Variants in MYOC observed in about 807,000 individuals in gnomAD.
MYOC encodes myocilin.
Under a neutral mutation model 28.2 loss-of-function variants are expected in MYOC, and 29 were observed. The ratio of observed to expected loss-of-function variants is 1.03; its 90% CI spans 0.77 to 1.40. The LOEUF is 1.40. Among genes scored for constraint, MYOC ranks in the 40% most tolerant of loss-of-function variants. The probability of loss-of-function intolerance (pLI) is 0.00; values close to 1 mark genes in which losing one functional copy is unlikely to be tolerated. For missense variants in MYOC, 569 were observed against 620.6 expected, an observed-to-expected ratio of 0.92 and a Z score of 0.88; for synonymous variants, 240 against 245.6, an observed-to-expected ratio of 0.98 and a Z score of 0.21.
At chr1:171,648,234 C>G (rs561014640) in intron 1 of MYOC, among the ~76,000 whole-genome samples, 1 of 151,846 alleles carries the variant, frequency 6.6e-6, no homozygotes, top group African/African-American at 2.4e-5. Context: ...CTCGTCCCCA[C>G]ATCTGAGTAT....
intron 1 of MYOC, among the ~76,000 whole-genome samples, chr1:171,649,809 GAA>G (rs1354174107): frequency 6.6e-6 from 1 of 151,848 alleles, no homozygotes; most frequent in Non-Finnish European, 1.5e-5. Context: ...AAAAAAGAAA[GAA>G]AGTCACTGAA....
Position 171,635,968 on chromosome 1 carries a change from T to C in MYOC, c.1472A>G (p.Asn491Ser), listed in dbSNP as rs777445056. 1 of 1,614,194 alleles carries C rather than the reference T, an allele frequency of 6.2e-7. No individual in the cohort carries two copies. Among genetic ancestry groups the C allele is most frequent in the Non-Finnish European group, 8.5e-7 (1 of 1,180,046 alleles). The change falls in exon 3 of 3, where the codon AAC becomes AGC. Residue 491 changes from asparagine (N) to serine (S), a missense_variant. Transcript: ENST00000037502. The part of the protein sequence containing the change: ...PLEKKLFAWD[N>S]LNMVTYDIKL... The stretch of plus-strand genomic sequence containing the variant: ...GATGTCATAAGTGACCATGTTCAAG[T>C]TGTCCCAGGCAAAGAGCTTCTTCTC...
intron 1 of MYOC, among the ~76,000 whole-genome samples, chr1:171,650,538 T>C (rs1021848438): frequency 6.6e-6 from 1 of 152,234 alleles, no homozygotes; most frequent in African/African-American, 2.4e-5. Context: ...GAATTTTCTT[T>C]GTTATGTTAT....
At position 171,636,386 on chromosome 1, in the gene MYOC, C is replaced by G. The variant is rs61745146; in HGVS notation, c.1054G>C (p.Glu352Gln). ...RTVIRYELNT[E>Q]TVKAEKEIPG... ...ATTTCCTTCTCAGCCTTCACTGTCT[C>G]GGTATTCAGCTCATATCTTATGACA... The change falls in exon 3 of 3, where the codon GAG (glutamate) becomes CAG (glutamine). Residue 352 changes from glutamate to glutamine, a missense_variant. Physicochemically the swap from Glu to Gln is conservative, Grantham distance 29. Transcript: ENST00000037502. 3 of 1,613,870 alleles carry G rather than the reference C, an allele frequency of 1.9e-6. No homozygotes were observed. The highest frequency in any genetic ancestry group is 3.3e-5 in the Admixed American group (2 of 59,968).
chr1:171,639,648 G>T lies in MYOC; in HGVS notation c.605-926C>A, dbSNP rs1245565984. 3.0e-4 allele frequency among the ~76,000 whole-genome samples: 12 copies of T among 40,602 alleles called. No homozygotes were observed. The South Asian group carries it at 3.4e-3, about 12-fold the overall frequency. The allele number at this position is 40,602 out of a possible 152,430, so 26.6% of individuals were successfully genotyped here. On this transcript the variant is annotated intron_variant, in intron 1 of 2. Coordinates refer to ENST00000037502, the MANE Select transcript of MYOC (RefSeq NM_000261.2). ...TAACAGAGCAAGGCCCGGTCTCAAG[G>T]TCTCAAAAAAAAAAAAAAAGAGACC...
At chr1:171,645,414 G>T (rs762143708) in intron 1 of MYOC, among the ~76,000 whole-genome samples, 7 of 152,140 alleles carry the variant, frequency 4.6e-5, no homozygotes, top group African/African-American at 7.2e-5. Flanking sequence ...GCGGCCTATT[G>T]CAGCTGCAGA....
intron 1 of MYOC, among the ~76,000 whole-genome samples, chr1:171,649,206 T>C (rs1164956640): frequency 1.3e-5 from 2 of 152,162 alleles, no homozygotes; most frequent in Admixed American, 1.3e-4. Context: ...TAATACATGA[T>C]CAAGAAAGTG....
intron 1 of MYOC, among the ~76,000 whole-genome samples, chr1:171,638,967 G>T (rs1363243094): frequency 6.6e-6 from 1 of 152,106 alleles, no homozygotes; most frequent in Non-Finnish European, 1.5e-5. Context: ...GTGGTGGCAG[G>T]TGCCTATAAT....
At chr1:171,637,067 C>T (rs1251425466) in intron 2 of MYOC, among the ~76,000 whole-genome samples, 2 of 152,162 alleles carry the variant, frequency 1.3e-5, no homozygotes, top group Non-Finnish European at 2.9e-5. Flanking sequence ...ATTGCTATCA[C>T]TGAGGGGCAT....
At chr1:171,637,669 G>A (rs1231406560) in intron 2 of MYOC, among the ~76,000 whole-genome samples, 1 of 151,884 alleles carries the variant, frequency 6.6e-6, no homozygotes, top group East Asian at 1.9e-4. Context: ...CTGGAGGGCA[G>A]TGGTGTGATC....
chr1:171,643,228 C>G (rs950089619), intron 1 of MYOC, among the ~76,000 whole-genome samples: 1 of 152,324 alleles, frequency 6.6e-6, no homozygotes, highest in South Asian at 2.1e-4. Flanking sequence ...TGCTTCCCTT[C>G]TCCCCCTGTG....
intron 1 of MYOC, among the ~76,000 whole-genome samples, chr1:171,646,501 GTT>G (rs370758061): frequency 7.7e-6 from 1 of 129,886 alleles, no homozygotes. Context: ...TTTTTTTTTT[GTT>G]TTTTTTTTTT....
At chr1:171,644,689 T>C (rs939968466) in intron 1 of MYOC, among the ~76,000 whole-genome samples, 4 of 151,924 alleles carry the variant, frequency 2.6e-5, no homozygotes, top group Non-Finnish European at 4.4e-5. Context: ...GCCTTCAAAG[T>C]TTCAGAGAAA....
At chr1:171,648,166 G>A (rs1653248886) in intron 1 of MYOC, among the ~76,000 whole-genome samples, 2 of 147,310 alleles carry the variant, frequency 1.4e-5, no homozygotes, top group Admixed American at 1.4e-4. Flanking sequence ...TCCAGCCTGG[G>A]GGACAGAGAA....
Position 171,636,124 on chromosome 1 carries a change from A to G in MYOC, c.1316T>C (p.Val439Ala). Reference sequence around the variant, plus strand: ...AGCATCTGCTGAGGTGTAGCTGCTGACGGTGTACAAGGTGCCACAGATGAT... The same window carrying G: ...AGCATCTGCTGAGGTGTAGCTGCTGGCGGTGTACAAGGTGCCACAGATGAT... Reference protein sequence around the residue: ...AFIICGTLYTVSSYTSADATV... With the variant: ...AFIICGTLYTASSYTSADATV... The change falls in exon 3 of 3, where the codon GTC becomes GCC. Residue 439 changes from valine (V) to alanine (A), a missense_variant. Val to Ala is a moderately conservative substitution (Grantham distance 64, BLOSUM62 0). Coordinates refer to ENST00000037502, the MANE Select transcript of MYOC (RefSeq NM_000261.2). 6.2e-7 allele frequency: 1 copy of G among 1,614,160 alleles called. No homozygotes were observed. The highest frequency in any genetic ancestry group is 8.5e-7 in the Non-Finnish European group (1 of 1,180,030).
rs1454443086 is a variant in MYOC, at chr1:171,636,073, C to A, written c.1367G>T (p.Gly456Val). ...GGTCAGGGTCTTGCTGATACCTGTG[C>A]CTGTGTCATAAGCAAAGTTGACGGT... The part of the protein sequence containing the change: ...DATVNFAYDT[G>V]TGISKTLTIP... Residue 456 changes from glycine (G) to valine (V), a missense_variant, in exon 3 of 3, where the codon GGC becomes GTC. Transcript: ENST00000037502. The A allele has an allele frequency of 1.9e-6, 3 of 1,614,166 alleles. No individual in the cohort carries two copies. In the East Asian group the frequency reaches 6.7e-5, roughly 36 times the overall value.
At chr1:171,649,264 C>T (rs982821951) in intron 1 of MYOC, among the ~76,000 whole-genome samples, 1 of 152,146 alleles carries the variant, frequency 6.6e-6, no homozygotes, top group African/African-American at 2.4e-5. Flanking sequence ...GCTGCCTTCT[C>T]AGGCCTTACC....
At position 171,636,135 on chromosome 1, in the gene MYOC, G is replaced by A; in HGVS notation, c.1305C>T (p.Thr435=). The A allele has an allele frequency of 5.0e-6, 8 of 1,614,170 alleles. No individual in the cohort carries two copies. The highest frequency in any genetic ancestry group is 6.8e-6 in the Non-Finnish European group (8 of 1,180,024). ...SVANAFIICG[T]LYTVSSYTSA... Reference sequence around the variant, plus strand: ...AGGTGTAGCTGCTGACGGTGTACAAGGTGCCACAGATGATGAAGGCATTGG... The same window carrying A: ...AGGTGTAGCTGCTGACGGTGTACAAAGTGCCACAGATGATGAAGGCATTGG... Residue 435 remains threonine (T), a synonymous_variant, in exon 3 of 3, where the codon ACC becomes ACT. Transcript: ENST00000037502.
intron 1 of MYOC, among the ~76,000 whole-genome samples, chr1:171,641,798 G>A (rs1205522986): frequency 6.6e-6 from 1 of 152,170 alleles, no homozygotes; most frequent in Non-Finnish European, 1.5e-5. Context: ...AGGAAAGTCA[G>A]TGCATCCCCT....
Sources: allele counts gnomAD v4.1 joint callset (sites outside exome capture counted in the v4.1 genomes callset), GRCh38; gene constraint gnomAD v4.1.1; transcripts MANE v1.5; gene names NCBI Gene and HGNC (gene_info 2026-07-23, HGNC 2026-07-21).